The following ARID1A variants were observed in gnomAD, a reference collection of about 807,000 sequenced individuals.
ARID1A encodes the protein AT-rich interactive domain-containing protein 1A.
ARID1A carries 20 observed loss-of-function variants against 212.6 expected under a neutral mutation model. The observed-to-expected ratio is 0.09, with a 90% CI of 0.07 to 0.14. The LOEUF (loss-of-function observed/expected upper bound fraction) is 0.14, where lower values mean the gene tolerates loss of function less well. Ranked by LOEUF, ARID1A falls within the 10% of genes least tolerant of loss-of-function variation. The pLI is 1.00. For missense variants in ARID1A, 2,587 were observed against 3,059.0 expected, an observed-to-expected ratio of 0.85 and a Z score of 3.64; for synonymous variants, 1,376 against 1,222.1, an observed-to-expected ratio of 1.13 and a Z score of -2.63.
chr1:26,714,685 GA>G (rs1028095746), intron 1 of ARID1A, among the ~76,000 whole-genome samples: 8 of 152,104 alleles, frequency 5.3e-5, no homozygotes, highest in Non-Finnish European at 1.0e-4. Flanking sequence ...AAAGTGCTGG[GA>G]TGACAGGCAT....
At chr1:26,766,682 G>A in intron 10 of ARID1A, 116 bp downstream of exon 10, 4 of 1,100,864 alleles carry the variant, frequency 3.6e-6, no homozygotes, top group Non-Finnish European at 5.1e-6. Flanking sequence ...GGACTAGATA[G>A]TCTCTGAAAA....
rs2124103645 is a variant in ARID1A at position 26,772,495 on chromosome 1, C to T, written c.3407-5C>T. On this transcript the variant is annotated splice_region_variant and splice_polypyrimidine_tract_variant and intron_variant, in intron 12 of 19. Transcript: ENST00000324856. ...AAACTACTCAACTTGTATCTCTGTC[C>T]ACAGCGGGATCAGGATCTATGCAGG... The T allele has an allele frequency of 6.2e-7, 1 of 1,614,184 alleles. No homozygotes were observed. Among genetic ancestry groups the T allele is most frequent in the Non-Finnish European group, 8.5e-7 (1 of 1,180,040 alleles).
chr1:26,733,252 G>A (rs2080697705), intron 4 of ARID1A, among the ~76,000 whole-genome samples: 1 of 152,014 alleles, frequency 6.6e-6, no homozygotes, highest in Non-Finnish European at 1.5e-5. Flanking sequence ...GATTTTGTGT[G>A]AATACTTTTT....
At chr1:26,711,609 T>C (rs550532706) in intron 1 of ARID1A, among the ~76,000 whole-genome samples, 1 of 152,320 alleles carries the variant, frequency 6.6e-6, no homozygotes, top group African/African-American at 2.4e-5. Context: ...GAAAATACTT[T>C]TGAGATGGAC....
chr1:26,738,914 CAGGCTGGA>C (rs944414507), intron 4 of ARID1A, among the ~76,000 whole-genome samples: 2 of 144,980 alleles, frequency 1.4e-5, no homozygotes, highest in African/African-American at 5.1e-5. Context: ...CTCTGTTGCC[CAGGCTGGA>C]GGGCTGGAGT....
rs887223696 is a variant in ARID1A, at chr1:26,697,030, C to T, written c.627C>T (p.Asn209=). 3.9e-6 allele frequency: 6 copies of T among 1,538,804 alleles called. No homozygotes were observed. The highest frequency in any genetic ancestry group is 4.4e-6 in the Non-Finnish European group (5 of 1,146,658). Residue 209 remains asparagine (N), a synonymous_variant, in exon 1 of 20, where the codon AAC becomes AAT. Coordinates refer to ENST00000324856, the MANE Select transcript of ARID1A (RefSeq NM_006015.6). Reference sequence around the variant, plus strand: ...ACTCTCACGACCACGGCTTCCCCAACCACCAGTACAACTCCTACTACCCCA... The same window carrying T: ...ACTCTCACGACCACGGCTTCCCCAATCACCAGTACAACTCCTACTACCCCA... ...QQNSHDHGFP[N]HQYNSYYPNR...
chr1:26,761,435 A>C lies in ARID1A; in HGVS notation c.2213A>C (p.His738Pro). 6.2e-7 allele frequency: 1 copy of C among 1,614,214 alleles called. No individual in the cohort carries two copies. Among genetic ancestry groups the C allele is most frequent in the Non-Finnish European group, 8.5e-7 (1 of 1,180,036 alleles). Residue 738 changes from histidine (H) to proline (P), a missense_variant, in exon 6 of 20, where the codon CAT (histidine) becomes CCT (proline). His to Pro is a moderately conservative substitution (Grantham distance 77). Coordinates refer to ENST00000324856, the MANE Select transcript of ARID1A (RefSeq NM_006015.6). The part of the protein sequence containing the change: ...PPSGQSDSIM[H>P]PSMNQSSIAQ... ...AGTGGCCAGTCGGACAGCATCATGC[A>C]TCCTTCCATGAACCAATCAAGCATT... is the stretch of plus-strand genomic sequence containing the variant.
At chr1:26,697,960 C>T (rs1202014635) in intron 1 of ARID1A, among the ~76,000 whole-genome samples, 3 of 152,118 alleles carry the variant, frequency 2.0e-5, no homozygotes, top group African/African-American at 7.2e-5. Flanking sequence ...CTCCGTCCCC[C>T]GGCCTTCCTC....
At chr1:26,747,207 A>G (rs1195213880) in intron 4 of ARID1A, among the ~76,000 whole-genome samples, 1 of 152,146 alleles carries the variant, frequency 6.6e-6, no homozygotes, top group Admixed American at 6.5e-5. Context: ...TTGGTCTCCT[A>G]ATCCCCCTAC....
chr1:26,710,520 C>CACACACACACA (rs1205603939), intron 1 of ARID1A, among the ~76,000 whole-genome samples: 1 of 151,370 alleles, frequency 6.6e-6, no homozygotes, highest in Non-Finnish European at 1.5e-5. Flanking sequence ...CACACACACA[C>CACACACACACA]ACACACACCA....
rs1010727688 is a variant in ARID1A, at chr1:26,696,888, C to T, written c.485C>T (p.Ala162Val). ...QPYGRSPSAV[A>V]AAAAAVFHQQ... ...TACGGCCGGAGCCCGTCTGCCGTCG[C>T]CGCCGCCGCGGCCGCCGTCTTCCAC... Residue 162 changes from alanine (A) to valine (V), a missense_variant, in exon 1 of 20, where the codon GCC becomes GTC. Around this residue, in one of 11 missense-constraint regions of ARID1A, gnomAD observed 735 missense variants for 590.6 expected, o/e 1.24. Transcript: ENST00000324856. 1.5e-6 allele frequency: 2 copies of T among 1,357,480 alleles called. No individual in the cohort carries two copies. The highest frequency in any genetic ancestry group is 1.5e-5 in the African/African-American group (1 of 65,516). 84.1% of individuals were successfully genotyped at this position (1,357,480 alleles called of 1,614,324 possible).
At chr1:26,697,598 G>A (rs2124745694) in intron 1 of ARID1A, 58 bp downstream of exon 1, 1 of 1,266,714 alleles carries the variant, frequency 7.9e-7, no homozygotes, top group South Asian at 2.6e-5. Context: ...GTGGGTGGCG[G>A]CTGCGGTGAG....
rs1240077505 is a variant in ARID1A, at chr1:26,753,701, C to T, written c.1921-7155C>T. 3.3e-5 allele frequency among the ~76,000 whole-genome samples: 5 copies of T among 152,318 alleles called. No individual in the cohort carries two copies. The South Asian group carries it at 6.2e-4, about 19-fold the overall frequency. On this transcript the variant is annotated intron_variant, in intron 4 of 19. Coordinates refer to ENST00000324856, the MANE Select transcript of ARID1A (RefSeq NM_006015.6). ...GATTATACTTGGAGGAGAACAAACC[C>T]GGGAAAAGAAATCTTCCCATTAAAG... is the stretch of plus-strand genomic sequence containing the variant.
At chr1:26,741,631 G>GA (rs1172910891) in intron 4 of ARID1A, among the ~76,000 whole-genome samples, 1 of 151,924 alleles carries the variant, frequency 6.6e-6, no homozygotes, top group Non-Finnish European at 1.5e-5. Context: ...ACCCTTGGCT[G>GA]AAAAAAAGGT....
chr1:26,719,898 G>T (rs1225491805), intron 1 of ARID1A, among the ~76,000 whole-genome samples: 1 of 140,374 alleles, frequency 7.1e-6, no homozygotes, highest in Non-Finnish European at 1.5e-5. Flanking sequence ...CCGAGATCGC[G>T]CCATTACACT....
intron 1 of ARID1A, among the ~76,000 whole-genome samples, chr1:26,728,249 C>T (rs548419525): frequency 6.6e-6 from 1 of 152,312 alleles, no homozygotes; most frequent in African/African-American, 2.4e-5. Flanking sequence ...AACTCTGCTT[C>T]TCTTTTTTCC....
chr1:26,737,036 G>T (rs761119706), intron 4 of ARID1A, among the ~76,000 whole-genome samples: 1 of 152,006 alleles, frequency 6.6e-6, no homozygotes, highest in African/African-American at 2.4e-5. Flanking sequence ...TAGCTCTCTG[G>T]GATCACTTAT....
rs2124145257 is a variant in ARID1A, at chr1:26,779,938, C to G, written c.6040C>G (p.Leu2014Val). 3.7e-6 allele frequency: 6 copies of G among 1,614,182 alleles called. No individual in the cohort carries two copies. The highest frequency in any genetic ancestry group is 5.1e-6 in the Non-Finnish European group (6 of 1,180,028). ...HPGLLLILGK[L>V]ILLHHKHPER... ...AGGGCTGCTGCTCATCCTGGGCAAG[C>G]TGATCCTGCTGCACCACAAGCACCC... The change falls in exon 20 of 20, where the codon CTG becomes GTG. Residue 2014 changes from leucine (L) to valine (V), a missense_variant. By Grantham distance (32) the Leu-to-Val change is conservative. Transcript: ENST00000324856.
In ARID1A at chr1:26,779,674, G is replaced by A. The variant is rs908115938; in HGVS notation, c.5776G>A (p.Gly1926Arg). 2 of 1,614,014 alleles carry A rather than the reference G, an allele frequency of 1.2e-6. No homozygotes were observed. The highest frequency in any genetic ancestry group is 2.7e-5 in the African/African-American group (2 of 74,882). The change falls in exon 20 of 20, where the codon GGA (glycine) becomes AGA (arginine). Residue 1926 changes from glycine to arginine, a missense_variant. Physicochemically the swap from Gly to Arg is moderately radical, Grantham distance 125. Coordinates refer to ENST00000324856, the MANE Select transcript of ARID1A (RefSeq NM_006015.6). ...STRSSTLTED[G>R]AKSSEAIKES... ...TCGGTCTAGCACCTTGACCGAGGAT[G>A]GAGCTAAGAGTTCAGAGGCCATCAA...
Sources: allele counts gnomAD v4.1 joint callset (sites outside exome capture counted in the v4.1 genomes callset), GRCh38; gene constraint gnomAD v4.1.1; regional missense constraint gnomAD v4.1.1; transcripts MANE v1.5; gene names NCBI Gene and HGNC (gene_info 2026-07-23, HGNC 2026-07-21).